RAD51B: variants seen among roughly 807,000 people sequenced by gnomAD.
RAD51B encodes DNA repair protein RAD51 homolog 2.
A neutral mutation model predicts 42.2 loss-of-function variants in RAD51B; 38 were observed. The observed-to-expected ratio is 0.90, with a 90% CI of 0.70 to 1.18. The LOEUF (loss-of-function observed/expected upper bound fraction) is 1.18, where lower values mean the gene tolerates loss of function less well. Ranked by LOEUF, RAD51B falls within the 50% of genes most tolerant of loss-of-function variation. The pLI is 0.00. For synonymous variants in RAD51B, 154 were observed against 145.2 expected (o/e 1.06, Z -0.43); for missense variants, 373 against 400.7 (o/e 0.93, Z 0.59).
At chr14:68,293,696 A>G (rs1188444416) in intron 8 of RAD51B, among the ~76,000 whole-genome samples, 1 of 152,168 alleles carries the variant, frequency 6.6e-6, no homozygotes, top group Non-Finnish European at 1.5e-5. Flanking sequence ...CCTCTTTCAC[A>G]GAACCTGCTT....
rs556395196 is a variant in RAD51B, at chr14:68,293,840, T to C, written c.853+1860T>C. Among the ~76,000 whole-genome samples the C allele has an allele frequency of 9.8e-5, 15 of 152,344 alleles. No homozygotes were observed. In the South Asian group the frequency reaches 2.7e-3, roughly 27 times the overall value. ...GGCAGATTTTAAAGACACGACCATG[T>C]CATATTCTTTTTGTATCCATGTTGT... On this transcript the variant is annotated intron_variant, in intron 8 of 10. Coordinates refer to ENST00000471583, the MANE Select transcript of RAD51B (RefSeq NM_133510.4).
At chr14:67,905,496 T>C (rs1050945732) in intron 7 of RAD51B, among the ~76,000 whole-genome samples, 57 of 152,170 alleles carry the variant, frequency 3.7e-4, no homozygotes, top group Non-Finnish European at 7.2e-4. Flanking sequence ...TGTAAATTGC[T>C]TTGGGCAGTA....
intron 7 of RAD51B, among the ~76,000 whole-genome samples, chr14:68,267,688 C>T (rs2081019728): frequency 6.6e-6 from 1 of 152,052 alleles, no homozygotes; most frequent in South Asian, 2.1e-4. Context: ...GCTTATGGGC[C>T]CATAACTTCA....
intron 8 of RAD51B, among the ~76,000 whole-genome samples, chr14:68,333,447 G>A (rs956187271): frequency 1.3e-5 from 2 of 152,304 alleles, no homozygotes; most frequent in East Asian, 3.9e-4. Flanking sequence ...AATGGAAGAC[G>A]AAACTGGTAA....
chr14:67,922,100 C>G (rs983519179), intron 7 of RAD51B, among the ~76,000 whole-genome samples: 9 of 152,224 alleles, frequency 5.9e-5, no homozygotes, highest in African/African-American at 2.2e-4. Flanking sequence ...TTGCAGATAT[C>G]TTCACCTTGC....
At chr14:67,927,466 C>T (rs550410781) in intron 7 of RAD51B, among the ~76,000 whole-genome samples, 8 of 152,246 alleles carry the variant, frequency 5.3e-5, no homozygotes, top group African/African-American at 1.9e-4. Flanking sequence ...GTACCCACAA[C>T]CAACTTCTCC....
At chr14:68,270,516 T>C (rs979489191) in intron 7 of RAD51B, among the ~76,000 whole-genome samples, 2 of 152,214 alleles carry the variant, frequency 1.3e-5, no homozygotes, top group African/African-American at 4.8e-5. Flanking sequence ...GAAAGTGTAA[T>C]ATAGCTTGCC....
intron 7 of RAD51B, among the ~76,000 whole-genome samples, chr14:68,074,631 G>A (rs34911675): frequency 6.0e-4 from 91 of 152,268 alleles, no homozygotes; most frequent in African/African-American, 2.1e-3. Context: ...GAGTTCTTGC[G>A]TTGGTTCTTT....
chr14:68,056,295 A>C (rs945014188), intron 7 of RAD51B, among the ~76,000 whole-genome samples: 1 of 152,034 alleles, frequency 6.6e-6, no homozygotes, highest in Non-Finnish European at 1.5e-5. Context: ...AGTAGCAGGG[A>C]TGCCACCATG....
chr14:68,487,099 C>T (rs75279528), intron 10 of RAD51B, among the ~76,000 whole-genome samples: 2 of 152,214 alleles, frequency 1.3e-5, no homozygotes, highest in African/African-American at 4.8e-5. Flanking sequence ...TTGCTGTATT[C>T]GTCTGCTCAG....
chr14:68,238,382 CCTTGAA>C (rs2140996634), intron 7 of RAD51B, among the ~76,000 whole-genome samples: 2 of 152,174 alleles, frequency 1.3e-5, no homozygotes, highest in South Asian at 4.2e-4. Flanking sequence ...CTCACTGCAG[CCTTGAA>C]CTTCTGGGCT....
intron 5 of RAD51B, among the ~76,000 whole-genome samples, chr14:67,872,889 T>C (rs551545526): frequency 6.6e-6 from 1 of 152,254 alleles, no homozygotes; most frequent in East Asian, 1.9e-4. Flanking sequence ...TAGCCATATA[T>C]AGAAAGCTGA....
intron 8 of RAD51B, among the ~76,000 whole-genome samples, chr14:68,315,678 C>T (rs1039905618): frequency 4.6e-5 from 7 of 152,060 alleles, no homozygotes; most frequent in African/African-American, 7.2e-5. Context: ...CCCGCCACCA[C>T]GCCCGGCTAA....
chr14:68,500,914 A>T (rs1201874897), intron 10 of RAD51B, among the ~76,000 whole-genome samples: 1 of 152,134 alleles, frequency 6.6e-6, no homozygotes, highest in African/African-American at 2.4e-5. Flanking sequence ...AGCTCTGGGG[A>T]TCTCCTGTCC....
At chr14:68,395,294 T>C (rs1331436514) in intron 8 of RAD51B, among the ~76,000 whole-genome samples, 4 of 152,188 alleles carry the variant, frequency 2.6e-5, no homozygotes, top group Non-Finnish European at 4.4e-5. Flanking sequence ...TTGCAAACAC[T>C]ATGGGTTTTT....
chr14:68,479,360 G>C (rs1319940896), downstream of RAD51B, among the ~76,000 whole-genome samples: 2 of 152,196 alleles, frequency 1.3e-5, no homozygotes, highest in East Asian at 3.8e-4. Flanking sequence ...TGAAAAAACA[G>C]CAGAGGCAGG....
chr14:68,419,214 G>C (rs2084636773), intron 9 of RAD51B, among the ~76,000 whole-genome samples: 1 of 152,080 alleles, frequency 6.6e-6, no homozygotes, highest in East Asian at 1.9e-4. Flanking sequence ...TTTATTCAGG[G>C]TCACACAACT....
intron 7 of RAD51B, among the ~76,000 whole-genome samples, chr14:68,276,580 GGA>G (rs1293273142): frequency 1.3e-5 from 2 of 152,066 alleles, no homozygotes; most frequent in East Asian, 3.8e-4. Flanking sequence ...TATCTACAGG[GGA>G]GTCTGTCAGT....
At chr14:68,274,054 G>A (rs1271658064) in intron 7 of RAD51B, among the ~76,000 whole-genome samples, 1 of 152,008 alleles carries the variant, frequency 6.6e-6, no homozygotes, top group Non-Finnish European at 1.5e-5. Context: ...TTCGGGAGCA[G>A]CCACTTTCAA....
Sources: allele counts gnomAD v4.1 joint callset (sites outside exome capture counted in the v4.1 genomes callset), GRCh38; gene constraint gnomAD v4.1.1; transcripts MANE v1.5; gene names NCBI Gene and HGNC (gene_info 2026-07-23, HGNC 2026-07-21).